The following MMP16 variants were observed in gnomAD, a reference collection of about 807,000 sequenced individuals.
MMP16 encodes the protein matrix metallopeptidase 16, also known as matrix metalloproteinase-16.
Under a neutral mutation model 67.8 loss-of-function variants are expected in MMP16, and 12 were observed. That is an observed-to-expected ratio of 0.18 (90% CI 0.11 to 0.29). The LOEUF is 0.29. Among genes scored for constraint, MMP16 ranks in the 10% least tolerant of loss-of-function variants. The probability of loss-of-function intolerance (pLI) is 1.00; values close to 1 mark genes in which losing one functional copy is unlikely to be tolerated. For synonymous variants in MMP16, 249 were observed against 255.9 expected (o/e 0.97, Z 0.26); for missense variants, 475 against 765.7 (o/e 0.62, Z 4.48).
chr8:88,043,881 G>A (rs567463367), intron 9 of MMP16, among the ~76,000 whole-genome samples: 3 of 152,280 alleles, frequency 2.0e-5, no homozygotes, highest in African/African-American at 7.2e-5. Context: ...TACATTAGAT[G>A]ATCATAGATG....
At chr8:88,245,474 G>T (rs1309258879) in intron 1 of MMP16, among the ~76,000 whole-genome samples, 1 of 152,126 alleles carries the variant, frequency 6.6e-6, no homozygotes, top group Admixed American at 6.5e-5. Flanking sequence ...CCTGTGTAAG[G>T]GTGAAGAGAA....
At chr8:88,317,598 C>A (rs370133765) in intron 1 of MMP16, among the ~76,000 whole-genome samples, 1 of 152,102 alleles carries the variant, frequency 6.6e-6, no homozygotes, top group Admixed American at 6.6e-5. Flanking sequence ...CCAGCAATAT[C>A]TCTGAGGTAT....
chr8:88,165,111 G>A (rs1474693953), intron 4 of MMP16, among the ~76,000 whole-genome samples: 1 of 145,886 alleles, frequency 6.9e-6, no homozygotes, highest in Non-Finnish European at 1.5e-5. Flanking sequence ...AGGAAGTTAA[G>A]GTAGGAGGAT....
At chr8:88,281,723 CCT>C (rs1810740680) in intron 1 of MMP16, among the ~76,000 whole-genome samples, 1 of 152,196 alleles carries the variant, frequency 6.6e-6, no homozygotes, top group African/African-American at 2.4e-5. Context: ...AAGGCTGCCC[CCT>C]GTCAGGGGGT....
In MMP16 at chr8:88,216,711, C is replaced by A. The variant is rs866033909; in HGVS notation, c.133-19405G>T. 4.6e-5 allele frequency among the ~76,000 whole-genome samples: 7 copies of A among 152,138 alleles called. No homozygotes were observed. In the South Asian group the frequency reaches 1.0e-3, roughly 23 times the overall value. On this transcript the variant is annotated intron_variant, in intron 1 of 9. Coordinates refer to ENST00000286614, the MANE Select transcript of MMP16 (RefSeq NM_005941.5). Reference sequence around the variant, plus strand: ...CTCATAATTATATTTTGTTAAATATCATTTTCAGAAATATCTCAATTGATG... The same window carrying A: ...CTCATAATTATATTTTGTTAAATATAATTTTCAGAAATATCTCAATTGATG...
Position 88,033,119 on chromosome 8 carries a change from GT to G in MMP16, c.*8341del, listed in dbSNP as rs1808007228. 1 of 151,826 alleles carries G rather than the reference GT, an allele frequency of 6.6e-6. No homozygotes were observed. The highest frequency in any genetic ancestry group is 1.5e-5 in the Non-Finnish European group (1 of 67,900). The allele number at this position is 151,826 out of a possible 1,614,324, so 9.4% of individuals were successfully genotyped here. ...CCACAATATAGAAAGGAAAAAATTA[GT>G]TTCACAAGAAGCTATAAAATGTGTA... On this transcript the variant is annotated 3_prime_UTR_variant, in exon 10 of 10. Coordinates refer to ENST00000286614, the MANE Select transcript of MMP16 (RefSeq NM_005941.5).
In MMP16 at chr8:88,046,706, A is replaced by G; in HGVS notation, c.1452T>C (p.Pro484=). The G allele has an allele frequency of 6.2e-7, 1 of 1,610,116 alleles. No homozygotes were observed. The highest frequency in any genetic ancestry group is 1.7e-5 in the Admixed American group (1 of 58,664). ...PKPITVWKGI[P]ESPQGAFVHK... is the part of the protein sequence containing the mutation. ...GTACAAATGCTCCCTGAGGAGATTC[A>G]GGGATCCCTTTCCAGACTGTGATTG... The change falls in exon 9 of 10, where the codon CCT becomes CCC. Residue 484 remains proline, a synonymous_variant. Coordinates refer to ENST00000286614, the MANE Select transcript of MMP16 (RefSeq NM_005941.5).
At chr8:88,049,171 T>C (rs749175996) in intron 8 of MMP16, among the ~76,000 whole-genome samples, 6 of 152,202 alleles carry the variant, frequency 3.9e-5, no homozygotes, top group African/African-American at 1.4e-4. Context: ...AATAGCTTCA[T>C]GGAGAAGCAC....
At chr8:88,137,365 A>G (rs1808138789) in intron 4 of MMP16, among the ~76,000 whole-genome samples, 1 of 151,950 alleles carries the variant, frequency 6.6e-6, no homozygotes, top group African/African-American at 2.4e-5. Flanking sequence ...GATAAGGAAT[A>G]CCGAACCTGT....
At chr8:88,197,083 T>C (rs2129781077) in intron 2 of MMP16, 75 bp downstream of exon 2, 2 of 1,406,890 alleles carry the variant, frequency 1.4e-6, no homozygotes, top group Non-Finnish European at 1.9e-6. Flanking sequence ...GTTGGTGGAG[T>C]TCATATAAAG....
intron 3 of MMP16, among the ~76,000 whole-genome samples, chr8:88,182,036 T>C (rs1808989105): frequency 1.3e-5 from 2 of 151,968 alleles, no homozygotes; most frequent in Non-Finnish European, 2.9e-5. Context: ...ATGCAAAACA[T>C]AAAACTACTA....
intron 1 of MMP16, among the ~76,000 whole-genome samples, chr8:88,221,898 T>C (rs960963734): frequency 3.9e-5 from 6 of 152,116 alleles, no homozygotes; most frequent in South Asian, 2.1e-4. Context: ...TTCAGATAAA[T>C]ACAAATCAGT....
intron 1 of MMP16, among the ~76,000 whole-genome samples, chr8:88,203,599 C>A (rs1205469488): frequency 1.3e-5 from 2 of 152,144 alleles, no homozygotes; most frequent in African/African-American, 4.8e-5. Flanking sequence ...CACATTGTCA[C>A]CTCAACAGGC....
intron 1 of MMP16, among the ~76,000 whole-genome samples, chr8:88,294,553 T>G (rs967200866): frequency 2.0e-5 from 3 of 151,614 alleles, no homozygotes; most frequent in Non-Finnish European, 4.4e-5. Flanking sequence ...TATGTATATA[T>G]GTCTCTATAC....
intron 3 of MMP16, among the ~76,000 whole-genome samples, chr8:88,172,365 G>C (rs1391593072): frequency 6.6e-6 from 1 of 152,138 alleles, no homozygotes; most frequent in East Asian, 1.9e-4. Context: ...ATACAAGTAT[G>C]CTTCAAAGTT....
At chr8:88,133,821 C>T (rs1220573421) in intron 4 of MMP16, among the ~76,000 whole-genome samples, 1 of 151,740 alleles carries the variant, frequency 6.6e-6, no homozygotes, top group East Asian at 1.9e-4. Flanking sequence ...ATCATATCAT[C>T]ATCTAACATA....
Position 88,039,090 on chromosome 8 carries a change from C to T in MMP16, c.*2371G>A, listed in dbSNP as rs1424371458. The T allele has an allele frequency of 6.6e-6, 1 of 152,428 alleles. No individual in the cohort carries two copies. Among genetic ancestry groups the T allele is most frequent in the African/African-American group, 2.4e-5 (1 of 41,386 alleles). 9.4% of individuals were successfully genotyped at this position (152,428 alleles called of 1,614,324 possible). A position where few individuals can be genotyped will look rare whatever the true frequency, so the allele number is the denominator to read the frequency against. On this transcript the variant is annotated 3_prime_UTR_variant, in exon 10 of 10. Coordinates refer to ENST00000286614, the MANE Select transcript of MMP16 (RefSeq NM_005941.5). The surrounding 1 kb of genome is among the most constrained non-coding windows in gnomAD (Gnocchi z 4.5). ...GCTACGTTGAGTATAAATATAAATTCAAGGCAGCCAAACTATCCATTTCCA... is the reference window on the plus strand; with the variant it reads ...GCTACGTTGAGTATAAATATAAATTTAAGGCAGCCAAACTATCCATTTCCA...
chr8:88,224,829 G>GA (rs1457884780), intron 1 of MMP16, among the ~76,000 whole-genome samples: 3 of 151,958 alleles, frequency 2.0e-5, no homozygotes, highest in East Asian at 1.9e-4. Flanking sequence ...AATGTGAGAT[G>GA]AAAAATCAAC....
chr8:88,161,016 G>T (rs1586182606), intron 4 of MMP16, among the ~76,000 whole-genome samples: 1 of 151,982 alleles, frequency 6.6e-6, no homozygotes, highest in Admixed American at 6.6e-5. Context: ...CTCTTTTTTT[G>T]TTGTGTCTCT....
Sources: allele counts gnomAD v4.1 joint callset (sites outside exome capture counted in the v4.1 genomes callset), GRCh38; gene constraint gnomAD v4.1.1; non-coding constraint Gnocchi (gnomAD v3.1); transcripts MANE v1.5; gene names NCBI Gene and HGNC (gene_info 2026-07-23, HGNC 2026-07-21).